The following MPDZ variants were observed in gnomAD, a reference collection of about 807,000 sequenced individuals.
MPDZ encodes multiple PDZ domain protein.
A neutral mutation model predicts 239.1 loss-of-function variants in MPDZ; 234 were observed. The observed-to-expected ratio is 0.98, with a 90% confidence interval of 0.88 to 1.09. The LOEUF is 1.09. MPDZ is among the 50% of genes least tolerant of loss of function. The pLI, the probability that MPDZ is intolerant of heterozygous loss-of-function variation, is 0.00. For missense variants in MPDZ, 3,175 were observed against 2,510.0 expected (o/e 1.26, Z -5.66); for synonymous variants, 1,048 against 881.3 (o/e 1.19, Z -3.35).
intron 10 of MPDZ, among the ~76,000 whole-genome samples, chr9:13,213,469 C>T (rs1332680873): frequency 6.6e-6 from 1 of 151,782 alleles, no homozygotes; most frequent in Non-Finnish European, 1.5e-5. Flanking sequence ...GAACAAATAA[C>T]AGACAAAGAC....
intron 18 of MPDZ, among the ~76,000 whole-genome samples, chr9:13,184,016 C>A (rs1027160538): frequency 1.3e-5 from 2 of 151,858 alleles, no homozygotes; most frequent in Non-Finnish European, 2.9e-5. Context: ...ATTTGTAAGC[C>A]ACACTAAAAC....
intron 44 of MPDZ, 75 bp from the exon 45 acceptor site, chr9:13,110,139 A>T (rs570903387): frequency 1.8e-4 from 170 of 951,348 alleles, no homozygotes; most frequent in Non-Finnish European, 2.6e-4. Flanking sequence ...CTTCAGAAAG[A>T]GCACTTGGAT....
rs1163081706 is a variant in MPDZ, at chr9:13,121,952, T to C, written c.5038-20A>G. Reference sequence around the variant, plus strand: ...ATTCACCTGTACAGAAATGGGACACTGACTGTAAGGAACATGAGAAGTAAA... The same window carrying C: ...ATTCACCTGTACAGAAATGGGACACCGACTGTAAGGAACATGAGAAGTAAA... On this transcript the variant is annotated intron_variant, in intron 37 of 46. Transcript: ENST00000319217. 1 of 1,609,484 alleles carries C rather than the reference T, an allele frequency of 6.2e-7. No individual in the cohort carries two copies. Among genetic ancestry groups the C allele is most frequent in the South Asian group, 1.1e-5 (1 of 90,696 alleles).
intron 19 of MPDZ, among the ~76,000 whole-genome samples, chr9:13,181,361 A>C (rs1441336945): frequency 6.6e-6 from 1 of 152,176 alleles, no homozygotes; most frequent in Non-Finnish European, 1.5e-5. Context: ...ATTTGTTGCA[A>C]AGAAACAGGA....
At chr9:13,110,583 A>G (rs1426932018) in intron 44 of MPDZ, 53 bp downstream of exon 44, 2 of 1,251,456 alleles carry the variant, frequency 1.6e-6, no homozygotes, top group Non-Finnish European at 2.3e-6. Flanking sequence ...ATCAAAGCTC[A>G]TGTGTCTTCA....
chr9:13,221,592 T>A (rs1298933816), intron 6 of MPDZ, 92 bp from the exon 7 acceptor site: 1 of 1,317,948 alleles, frequency 7.6e-7, no homozygotes, highest in East Asian at 2.6e-5. Context: ...ATTTTGTTAA[T>A]ATTAAATAAT....
intron 12 of MPDZ, among the ~76,000 whole-genome samples, chr9:13,198,737 C>CTGTGTGTGTGTGTG (rs1554691393): frequency 8.9e-4 from 62 of 69,662 alleles, no homozygotes; most frequent in African/African-American, 2.6e-3. Context: ...ATCTCTCTCT[C>CTGTGTGTGTGTGTG]TGTGTGTGTG....
At chr9:13,265,531 T>C (rs1162562251) in intron 1 of MPDZ, among the ~76,000 whole-genome samples, 8 of 152,070 alleles carry the variant, frequency 5.3e-5, no homozygotes, top group Admixed American at 1.3e-4. Context: ...ATTGCACCAT[T>C]GCACTCCAGC....
intron 19 of MPDZ, among the ~76,000 whole-genome samples, chr9:13,177,666 T>C (rs1244919521): frequency 1.3e-5 from 2 of 152,188 alleles, no homozygotes; most frequent in Admixed American, 6.5e-5. Flanking sequence ...CAGTGGTGTG[T>C]AGACTGTGAA....
Position 13,270,504 on chromosome 9 carries a change from A to G in MPDZ, c.-58+8896T>C, listed in dbSNP as rs142078512. 4.9e-4 allele frequency among the ~76,000 whole-genome samples: 74 copies of G among 152,204 alleles called. No individual in the cohort carries two copies. The East Asian group carries it at 0.012, about 25-fold the overall frequency. On this transcript the variant is annotated intron_variant, in intron 1 of 46. Coordinates refer to ENST00000319217, the MANE Select transcript of MPDZ (RefSeq NM_001378778.1). ...GGCACTTACACCTTGGCTAGTTCTA[A>G]AGGCAATATGATAAAAGACATGGGT...
chr9:13,245,870 A>G (rs1296282223), intron 3 of MPDZ, among the ~76,000 whole-genome samples: 3 of 152,098 alleles, frequency 2.0e-5, no homozygotes, highest in Non-Finnish European at 4.4e-5. Context: ...GAGACACTGT[A>G]TGCACAAATA....
intron 41 of MPDZ, among the ~76,000 whole-genome samples, chr9:13,113,720 T>C (rs1048495915): frequency 6.6e-6 from 1 of 152,228 alleles, no homozygotes; most frequent in African/African-American, 2.4e-5. Context: ...ATTATAATGT[T>C]TAGTGTATCT....
rs1942934585 is a variant in MPDZ at position 13,113,952 on chromosome 9, T to C, written c.5536A>G (p.Ser1846Gly). ...TTACATGCATTCTTCTTTGAGCTAC[T>C]TTCCAGTGACTCAGATGTACTGGAT... ...SGSSTSESLE[S>G]SSKKNALASE... The change falls in exon 41 of 47, where the codon AGT becomes GGT. Residue 1846 changes from serine (S) to glycine (G), a missense_variant. Coordinates refer to ENST00000319217, the MANE Select transcript of MPDZ (RefSeq NM_001378778.1). 6.3e-7 allele frequency: 1 copy of C among 1,595,388 alleles called. No homozygotes were observed. Among genetic ancestry groups the C allele is most frequent in the African/African-American group, 1.3e-5 (1 of 74,836 alleles).
chr9:13,186,213 G>T, intron 18 of MPDZ, 57 bp downstream of exon 18: 1 of 925,680 alleles, frequency 1.1e-6, no homozygotes, highest in Non-Finnish European at 1.5e-6. Flanking sequence ...ATTTTGAAAG[G>T]CAAAGTAAGA....
intron 1 of MPDZ, among the ~76,000 whole-genome samples, chr9:13,278,051 G>C (rs961081952): frequency 6.6e-6 from 1 of 152,084 alleles, no homozygotes; most frequent in Non-Finnish European, 1.5e-5. Flanking sequence ...TTTCAGATAA[G>C]GTGTTATTTA....
rs1957884546 is a variant in MPDZ at position 13,213,456 on chromosome 9, A to T, written c.1290+3318T>A. On this transcript the variant is annotated intron_variant, in intron 10 of 46. Transcript: ENST00000319217. ...CCTAATAGCTGCTGTCAAAACAAAA[A>T]TCGAACAAATAACAGACAAAGACTG... is the stretch of plus-strand genomic sequence containing the variant. 2.6e-5 allele frequency among the ~76,000 whole-genome samples: 4 copies of T among 152,154 alleles called. 1 individual carries two copies. The South Asian group carries it at 8.3e-4, about 31-fold the overall frequency.
rs572866574 is a variant in MPDZ at position 13,188,021 on chromosome 9, A to G, written c.2364+763T>C. Among the ~76,000 whole-genome samples the G allele has an allele frequency of 1.2e-4, 18 of 152,312 alleles. No homozygotes were observed. The East Asian group carries it at 3.5e-3, about 29-fold the overall frequency. On this transcript the variant is annotated intron_variant, in intron 17 of 46. Transcript: ENST00000319217. ...ATTTCCTGCTCTGCAGTAACTAGAC[A>G]GCAAATGTGTTGAAGTCAACTGAAT...
rs779853917 is a variant in MPDZ at position 13,205,071 on chromosome 9, G to A, written c.1511C>T (p.Thr504Met). 1.6e-5 allele frequency: 23 copies of A among 1,459,098 alleles called. No individual in the cohort carries two copies. Among genetic ancestry groups the A allele is most frequent in the Middle Eastern group, 1.9e-4 (1 of 5,402 alleles). The allele number at this position is 1,459,098 out of a possible 1,614,324, so 90.4% of individuals were successfully genotyped here. A position where few individuals can be genotyped will look rare whatever the true frequency, so the allele number is the denominator to read the frequency against. Residue 504 changes from threonine (T) to methionine (M), a missense_variant, in exon 12 of 47, where the codon ACG becomes ATG. Coordinates refer to ENST00000319217, the MANE Select transcript of MPDZ (RefSeq NM_001378778.1). The stretch of plus-strand genomic sequence containing the variant: ...AGTTGGTAATATGTTGGTGTTTCTC[G>A]TCGAAGATAAAAAATCTTCATCTTT... ...YEKDEDFLSS[T>M]RNTNILPTEE...
intron 31 of MPDZ, chr9:13,135,562 C>A (rs533517057): frequency 1.3e-5 from 2 of 152,186 alleles, no homozygotes; most frequent in African/African-American, 4.8e-5. Context: ...ATTCTTTGAG[C>A]TCCACACTGC....
Sources: gnomAD v4.1 joint callset for allele counts (sites outside exome capture counted in the v4.1 genomes callset) on GRCh38, gnomAD v4.1.1 for gene constraint, MANE v1.5 for transcripts, NCBI Gene and HGNC (gene_info 2026-07-23, HGNC 2026-07-21) for gene names.